Variants in SYN3 observed in about 807,000 individuals in gnomAD.
SYN3 encodes synapsin III.
In SYN3, 35 loss-of-function variants were observed where a neutral mutation model predicts 65.8. The ratio of observed to expected loss-of-function variants is 0.53; its 90% CI spans 0.41 to 0.70. The LOEUF (loss-of-function observed/expected upper bound fraction) is 0.70. SYN3 is among the 30% of genes least tolerant of loss of function. SYN3 has a pLI of 0.00. For missense variants in SYN3, 680 were observed against 749.0 expected (o/e 0.91, Z 1.08); for synonymous variants, 270 against 292.9 (o/e 0.92, Z 0.80).
At chr22:32,948,686 G>A (rs1195035402) in intron 3 of SYN3, among the ~76,000 whole-genome samples, 2 of 152,024 alleles carry the variant, frequency 1.3e-5, no homozygotes, top group Non-Finnish European at 2.9e-5. Context: ...GCAGTGAGCC[G>A]AGATCGCGTC....
At chr22:32,991,338 AAATAATAATAAT>A (rs60884096) in intron 2 of SYN3, among the ~76,000 whole-genome samples, 4 of 142,618 alleles carry the variant, frequency 2.8e-5, no homozygotes, top group Non-Finnish European at 4.5e-5. Context: ...ACTCCATCTC[AAATAATAATAAT>A]AATAATAATA....
At chr22:32,632,813 A>C (rs1303440517) in intron 6 of SYN3, among the ~76,000 whole-genome samples, 4 of 152,152 alleles carry the variant, frequency 2.6e-5, no homozygotes, top group Admixed American at 2.6e-4. Context: ...GTGTTTTCTT[A>C]CTGTCATTTT....
intron 8 of SYN3, among the ~76,000 whole-genome samples, chr22:32,538,446 G>T (rs1283810372): frequency 6.6e-6 from 1 of 152,144 alleles, no homozygotes; most frequent in Non-Finnish European, 1.5e-5. Flanking sequence ...ATAGCCCCTG[G>T]TGATTCTGGA....
chr22:32,955,096 T>C (rs945207916), intron 3 of SYN3, among the ~76,000 whole-genome samples: 3 of 152,042 alleles, frequency 2.0e-5, no homozygotes, highest in Non-Finnish European at 2.9e-5. Flanking sequence ...CTGTATCTCA[T>C]TTACCCTCCA....
chr22:32,989,557 G>T (rs9609677), intron 2 of SYN3, among the ~76,000 whole-genome samples: 31,085 of 152,024 alleles, frequency 0.2, 3,748 homozygotes, highest in East Asian at 0.44. Context: ...CATCAGGGCC[G>T]GGCACGGTGG....
chr22:32,978,193 T>C (rs926524083), intron 3 of SYN3, among the ~76,000 whole-genome samples: 1 of 151,998 alleles, frequency 6.6e-6, no homozygotes, highest in African/African-American at 2.4e-5. Flanking sequence ...GGACGAGAGT[T>C]GAGGGTGGTC....
intron 6 of SYN3, among the ~76,000 whole-genome samples, chr22:32,648,152 C>T (rs1267316318): frequency 2.6e-5 from 4 of 152,164 alleles, no homozygotes; most frequent in Non-Finnish European, 5.9e-5. Flanking sequence ...GGAGCCGCTA[C>T]ACCTGGCTTA....
At chr22:32,631,765 G>C (rs1464984196) in intron 6 of SYN3, among the ~76,000 whole-genome samples, 1 of 152,164 alleles carries the variant, frequency 6.6e-6, no homozygotes, top group African/African-American at 2.4e-5. Flanking sequence ...CTTTACAGAT[G>C]AAGACATTGA....
At chr22:32,758,832 G>A (rs1002971963) in intron 6 of SYN3, among the ~76,000 whole-genome samples, 9 of 150,864 alleles carry the variant, frequency 6.0e-5, no homozygotes, top group Non-Finnish European at 1.2e-4. Context: ...TATGGTGTCT[G>A]GTAGGACCAA....
intron 6 of SYN3, among the ~76,000 whole-genome samples, chr22:32,771,586 T>A (rs1424259079): frequency 6.6e-6 from 1 of 152,220 alleles, no homozygotes; most frequent in Non-Finnish European, 1.5e-5. Context: ...GGAGATAATA[T>A]CTGCCTGCCT....
At chr22:32,574,586 G>A (rs1239286033) in intron 7 of SYN3, among the ~76,000 whole-genome samples, 2 of 152,338 alleles carry the variant, frequency 1.3e-5, no homozygotes, top group Admixed American at 1.3e-4. Flanking sequence ...GTTTAGCCTT[G>A]CTGGTTTCTC....
At chr22:32,762,511 A>C (rs2045511005) in intron 6 of SYN3, among the ~76,000 whole-genome samples, 1 of 152,242 alleles carries the variant, frequency 6.6e-6, no homozygotes, top group East Asian at 1.9e-4. Flanking sequence ...TTGTGGTGGA[A>C]ATGGTGCCAG....
At chr22:32,880,590 A>C (rs559299330) in intron 4 of SYN3, among the ~76,000 whole-genome samples, 2 of 152,324 alleles carry the variant, frequency 1.3e-5, no homozygotes, top group African/African-American at 4.8e-5. Context: ...AGTTACCATC[A>C]GCCCAAGAAA....
chr22:32,660,149 C>G (rs1470186796), intron 6 of SYN3, among the ~76,000 whole-genome samples: 6 of 152,132 alleles, frequency 3.9e-5, no homozygotes, highest in Non-Finnish European at 8.8e-5. Context: ...CTGCTAGAGG[C>G]TATGAGAGGC....
chr22:32,625,778 G>C (rs1029189761), intron 6 of SYN3, among the ~76,000 whole-genome samples: 1 of 152,190 alleles, frequency 6.6e-6, no homozygotes, highest in Non-Finnish European at 1.5e-5. Flanking sequence ...GCTTTGGACT[G>C]AGTTGTGCAG....
intron 2 of SYN3, among the ~76,000 whole-genome samples, chr22:32,994,321 G>T (rs567609132): frequency 6.6e-6 from 1 of 152,242 alleles, no homozygotes; most frequent in Non-Finnish European, 1.5e-5. Flanking sequence ...GTAGGGAGGG[G>T]CAGGGGGTGC....
chr22:32,577,155 C>T (rs73881731), intron 7 of SYN3, among the ~76,000 whole-genome samples: 2,318 of 152,262 alleles, frequency 0.015, 56 homozygotes, highest in African/African-American at 0.052. Context: ...CCGGGTGCTT[C>T]GAATGCACTG....
intron 7 of SYN3, among the ~76,000 whole-genome samples, chr22:32,564,994 AGTGCTCCCGG>A (rs2058648656): frequency 3.8e-5 from 5 of 132,900 alleles, no homozygotes; most frequent in Admixed American, 2.9e-4. Flanking sequence ...GCACCCAAAC[AGTGCTCCCGG>A]ACTGCACCCA....
intron 6 of SYN3, among the ~76,000 whole-genome samples, chr22:32,709,038 A>G (rs559259680): frequency 3.3e-5 from 5 of 152,314 alleles, no homozygotes; most frequent in African/African-American, 1.2e-4. Flanking sequence ...CAGCAAGCAG[A>G]GGCTAAGAGC....
Sources: gnomAD v4.1 joint callset for allele counts (sites outside exome capture counted in the v4.1 genomes callset) on GRCh38, gnomAD v4.1.1 for gene constraint, MANE v1.5 for transcripts, NCBI Gene and HGNC (gene_info 2026-07-23, HGNC 2026-07-21) for gene names.